TRPC5: variants seen among roughly 807,000 people sequenced by gnomAD.
TRPC5 encodes the protein transient receptor potential cation channel subfamily C member 5.
A neutral mutation model predicts 56.5 loss-of-function variants in TRPC5; 9 were observed. That is an observed-to-expected ratio of 0.16 (90% CI 0.10 to 0.28). TRPC5 has a LOEUF of 0.28. Ranked by LOEUF, TRPC5 falls within the 10% of genes least tolerant of loss-of-function variation. TRPC5 has a pLI of 1.00. For synonymous variants in TRPC5, 282 were observed against 278.5 expected (o/e 1.01, Z -0.13); for missense variants, 469 against 748.9 (o/e 0.63, Z 4.36).
chrX:111,907,337 C>T (rs899490197), intron 3 of TRPC5, among the ~76,000 whole-genome samples: 2 of 111,118 alleles, frequency 1.8e-5, no homozygotes, highest in Admixed American at 9.6e-5. Flanking sequence ...AAACATAATG[C>T]GAGCATAGGA....
intron 1 of TRPC5, among the ~76,000 whole-genome samples, chrX:112,027,939 C>T (rs1310367423): frequency 1.8e-5 from 2 of 112,288 alleles, no homozygotes; most frequent in African/African-American, 6.5e-5. Flanking sequence ...CAGAGGCTTA[C>T]TTTCAGGGAG....
Position 111,775,233 on chromosome X carries a change from A to G in TRPC5, c.*1080T>C, listed in dbSNP as rs1945868393. 8.9e-6 allele frequency: 1 copy of G among 111,733 alleles called. No homozygotes were observed. The highest frequency in any genetic ancestry group is 1.9e-5 in the Non-Finnish European group (1 of 53,156). 9.2% of individuals were successfully genotyped at this position (111,733 alleles called of 1,213,427 possible). ...GCCCCCAATGAATATTAAAACTGCA[A>G]CCTGAATTAGGTTATCTATACCTAA... is the stretch of plus-strand genomic sequence containing the variant. On this transcript the variant is annotated 3_prime_UTR_variant, in exon 11 of 11. Transcript: ENST00000262839.
chrX:111,798,020 G>A (rs960731444), intron 7 of TRPC5, among the ~76,000 whole-genome samples: 10 of 111,048 alleles, frequency 9.0e-5, no homozygotes, highest in South Asian at 7.5e-4. Flanking sequence ...TAGATGAACC[G>A]CAGAGCCTAG....
At chrX:111,851,826 T>C (rs1290751974) in intron 5 of TRPC5, among the ~76,000 whole-genome samples, 2 of 111,868 alleles carry the variant, frequency 1.8e-5, no homozygotes, top group African/African-American at 6.5e-5. Flanking sequence ...AACAGTCTTG[T>C]TCTGTATGAC....
At chrX:111,804,568 G>A (rs74856285) in intron 7 of TRPC5, among the ~76,000 whole-genome samples, 26,908 of 110,624 alleles carry the variant, frequency 0.24, 7,867 homozygotes, top group African/African-American at 0.83. Context: ...GGTCCTTCAC[G>A]TCCCTTGTAC....
rs369641766 is a variant in TRPC5, at chrX:112,010,290, C to G, written c.-21-57849G>C. 8.6e-4 allele frequency among the ~76,000 whole-genome samples: 97 copies of G among 112,228 alleles called. 4 individuals carry two copies. In the South Asian group the frequency reaches 0.036, roughly 42 times the overall value. ...GTAGCCTGGTCAAATCCTAGCTCTCCCACTTAGCAGCTCTGTGACCTTGGG... is the reference window on the plus strand; with the variant it reads ...GTAGCCTGGTCAAATCCTAGCTCTCGCACTTAGCAGCTCTGTGACCTTGGG... On this transcript the variant is annotated intron_variant, in intron 1 of 10. Coordinates refer to ENST00000262839, the MANE Select transcript of TRPC5 (RefSeq NM_012471.3).
At chrX:111,867,757 C>G (rs139909731) in intron 3 of TRPC5, among the ~76,000 whole-genome samples, 1,137 of 112,000 alleles carry the variant, frequency 0.01, 18 homozygotes, top group African/African-American at 0.036. Context: ...GTGGGCATTT[C>G]TCTTCGGCCG....
intron 1 of TRPC5, among the ~76,000 whole-genome samples, chrX:111,975,694 G>A (rs1927904949): frequency 9.0e-6 from 1 of 110,847 alleles, no homozygotes; most frequent in Non-Finnish European, 1.9e-5. Flanking sequence ...CAGGAGATCG[G>A]GACCATCCTG....
intron 2 of TRPC5, among the ~76,000 whole-genome samples, chrX:111,945,151 T>A (rs1226230812): frequency 9.1e-6 from 1 of 109,898 alleles, no homozygotes; most frequent in Non-Finnish European, 1.9e-5. Context: ...GAGCTGGTTT[T>A]GAGCATACAC....
At chrX:111,944,679 T>C (rs1926887910) in intron 2 of TRPC5, among the ~76,000 whole-genome samples, 1 of 110,335 alleles carries the variant, frequency 9.1e-6, no homozygotes, top group Non-Finnish European at 1.9e-5. Context: ...GAGAGGAAGA[T>C]TTAGGTAAAG....
intron 7 of TRPC5, among the ~76,000 whole-genome samples, chrX:111,805,646 ATATCTATCTATC>A (rs758683447): frequency 9.0e-6 from 1 of 111,410 alleles, no homozygotes; most frequent in Admixed American, 9.6e-5. Flanking sequence ...TAAATTACAG[ATATCTATCTATC>A]TATCTATCTA....
intron 1 of TRPC5, among the ~76,000 whole-genome samples, chrX:111,991,795 A>T (rs1009837029): frequency 8.9e-6 from 1 of 111,941 alleles, no homozygotes; most frequent in Admixed American, 9.5e-5. Context: ...ACTGGGCAAT[A>T]TAGAGATTTT....
chrX:111,978,180 GCAT>G (rs1448275002), intron 1 of TRPC5, among the ~76,000 whole-genome samples: 11 of 111,929 alleles, frequency 9.8e-5, no homozygotes, highest in Non-Finnish European at 1.9e-4. Flanking sequence ...GTTCATTGCA[GCAT>G]TATTCACAAT....
intron 1 of TRPC5, among the ~76,000 whole-genome samples, chrX:112,065,919 G>C (rs1930572815): frequency 9.2e-6 from 1 of 108,877 alleles, no homozygotes; most frequent in African/African-American, 3.3e-5. Flanking sequence ...TCTGGCTGTA[G>C]GATCAAGTTT....
chrX:111,861,228 C>T (rs1268290062), intron 3 of TRPC5, among the ~76,000 whole-genome samples: 2 of 111,740 alleles, frequency 1.8e-5, no homozygotes, highest in East Asian at 5.6e-4. Context: ...TGTTATAACC[C>T]TTGACAAGTT....
chrX:111,846,979 G>T, intron 6 of TRPC5, 135 bp downstream of exon 6: 1 of 681,377 alleles, frequency 1.5e-6, no homozygotes, highest in Non-Finnish European at 2.2e-6. Flanking sequence ...CCTTCGGGTG[G>T]ATCCACAGTG....
At chrX:111,965,633 T>A (rs1422096566) in intron 1 of TRPC5, among the ~76,000 whole-genome samples, 1 of 111,947 alleles carries the variant, frequency 8.9e-6, no homozygotes, top group East Asian at 2.8e-4. Flanking sequence ...TCTCTCAGAC[T>A]ACAGTGCAAT....
intron 1 of TRPC5, among the ~76,000 whole-genome samples, chrX:112,067,289 T>C (rs1477078726): frequency 3.6e-5 from 4 of 112,667 alleles, no homozygotes; most frequent in Non-Finnish European, 5.6e-5. Context: ...CCTTCCCTTG[T>C]CACCTCTCTT....
intron 1 of TRPC5, among the ~76,000 whole-genome samples, chrX:111,985,155 G>A (rs1603130997): frequency 8.9e-6 from 1 of 112,374 alleles, no homozygotes; most frequent in East Asian, 2.8e-4. Context: ...GGCAATTCTA[G>A]TGGTATTCAC....
Sources: gnomAD v4.1 joint callset for allele counts (sites outside exome capture counted in the v4.1 genomes callset) on GRCh38, gnomAD v4.1.1 for gene constraint, MANE v1.5 for transcripts, NCBI Gene and HGNC (gene_info 2026-07-23, HGNC 2026-07-21) for gene names.